C4orf50: variants seen among roughly 807,000 people sequenced by gnomAD.
The protein encoded by C4orf50 is chromosome 4 open reading frame 50, also known as uncharacterized protein C4orf50.
C4orf50 carries 80 observed loss-of-function variants against 77.2 expected under a neutral mutation model. The ratio of observed to expected loss-of-function variants is 1.04; its 90% confidence interval spans 0.87 to 1.25. The LOEUF (loss-of-function observed/expected upper bound fraction) is 1.25. Among genes scored for constraint, C4orf50 ranks in the 50% most tolerant of loss-of-function variants. The probability of loss-of-function intolerance (pLI) is 0.00; values close to 1 mark genes in which losing one functional copy is unlikely to be tolerated. For missense variants in C4orf50, 1,257 were observed against 1,152.9 expected (o/e 1.09, Z -1.31); for synonymous variants, 532 against 465.3 (o/e 1.14, Z -1.84).
intron 7 of C4orf50, among the ~76,000 whole-genome samples, chr4:5,921,683 A>G (rs1347807235): frequency 2.0e-5 from 3 of 151,900 alleles, no homozygotes. Context: ...AGGAGGGGAC[A>G]CTCGAGAGGG....
In C4orf50 at chr4:5,935,807, A is replaced by AAAAAC. The variant is rs1308157183; in HGVS notation, c.*2474+21093_*2474+21094insGTTTT. Among the ~76,000 whole-genome samples, 1,172 of 145,412 alleles carry AAAAAC rather than the reference A, an allele frequency of 8.1e-3. 47 individuals are homozygous for AAAAAC. The highest frequency in any genetic ancestry group is 0.03 in the African/African-American group (1,101 of 36,680). ...TCTAAAAAAAAAAAAAAAAAAAAAA[A>AAAAAC]AAAGCCCCAGAGGCCAACATTACAA... is the stretch of plus-strand genomic sequence containing the variant. On this transcript the variant is annotated intron_variant, in intron 7 of 7. Coordinates refer to the C4orf50 transcript ENST00000324058.
intron 7 of C4orf50, among the ~76,000 whole-genome samples, chr4:5,938,070 C>T (rs1718103869): frequency 6.6e-6 from 1 of 152,088 alleles, no homozygotes; most frequent in Non-Finnish European, 1.5e-5. Context: ...GAACAAGTTT[C>T]ATGTAATGGA....
At chr4:5,898,368 G>C (rs1001426220) in intron 7 of C4orf50, 1 of 152,222 alleles carries the variant, frequency 6.6e-6, no homozygotes, top group African/African-American at 2.4e-5. Context: ...ATTTTCAAAG[G>C]GGTGAGGGAA....
chr4:5,912,196 G>A (rs1166227758), intron 7 of C4orf50, among the ~76,000 whole-genome samples: 2 of 151,818 alleles, frequency 1.3e-5, no homozygotes, highest in African/African-American at 2.4e-5. Context: ...GGTAAGAGAC[G>A]CATGCAATTG....
chr4:5,991,469 G>A (rs79318996), intron 27 of C4orf50, among the ~76,000 whole-genome samples: 12,598 of 152,230 alleles, frequency 0.083, 687 homozygotes, highest in Non-Finnish European at 0.11. Flanking sequence ...ACAGTGCTGG[G>A]CACACAGGAG....
rs118180574 is a variant in C4orf50 at position 5,922,697 on chromosome 4, C to T, written c.*2475-24509G>A. Among the ~76,000 whole-genome samples, 699 of 152,320 alleles carry T rather than the reference C, an allele frequency of 4.6e-3. 26 individuals are homozygous for T. The highest frequency in any genetic ancestry group is 0.044 in the East Asian group (228 of 5,182). Reference sequence around the variant, plus strand: ...GTCCTCCTGTCCCCTCCAGCTCCTGCATCCATGGCAGTGCCCAGCCTGCAG... The same window carrying T: ...GTCCTCCTGTCCCCTCCAGCTCCTGTATCCATGGCAGTGCCCAGCCTGCAG... On this transcript the variant is annotated intron_variant, in intron 7 of 7. Transcript: ENST00000324058.
chr4:5,918,403 C>A (rs979334083), intron 7 of C4orf50, among the ~76,000 whole-genome samples: 1 of 152,196 alleles, frequency 6.6e-6, no homozygotes, highest in Non-Finnish European at 1.5e-5. Context: ...GAACCACATT[C>A]CTAACTGGTC....
exon 28 of C4orf50, chr4:5,989,037 A>G (rs1224538832): frequency 3.1e-5 from 47 of 1,535,914 alleles, no homozygotes; most frequent in Non-Finnish European, 3.7e-5. Context: ...TGCAGTCTTC[A>G]AGGTCAGAGA....
At chr4:5,943,216 G>A (rs911203699) in intron 7 of C4orf50, among the ~76,000 whole-genome samples, 8 of 152,186 alleles carry the variant, frequency 5.3e-5, no homozygotes, top group Admixed American at 3.9e-4. Flanking sequence ...TTAGGCACCC[G>A]CAGTAGGCTT....
chr4:6,013,799 CG>C (rs1722577145), intron 23 of C4orf50, among the ~76,000 whole-genome samples: 1 of 152,102 alleles, frequency 6.6e-6, no homozygotes, highest in Non-Finnish European at 1.5e-5. Context: ...CCTCCAGCCT[CG>C]GAGAGGGCTT....
chr4:5,994,603 C>T lies in C4orf50; in HGVS notation c.964-127G>A, dbSNP rs1340558809. 7.5e-6 allele frequency: 3 copies of T among 397,644 alleles called. No individual in the cohort carries two copies. In the South Asian group the frequency reaches 4.2e-4, roughly 56 times the overall value. 24.6% of individuals were successfully genotyped at this position (397,644 alleles called of 1,614,324 possible). On this transcript the variant is annotated intron_variant, in intron 25 of 33. Coordinates refer to ENST00000531445, the Ensembl canonical transcript of C4orf50. Reference sequence around the variant, plus strand: ...TCTTCCACAGGTGAGGAAACTGAGGCTCAGAGGGCAGAGAGCTCACAGCCT... The same window carrying T: ...TCTTCCACAGGTGAGGAAACTGAGGTTCAGAGGGCAGAGAGCTCACAGCCT...
intron 7 of C4orf50, among the ~76,000 whole-genome samples, chr4:5,928,862 A>T (rs915691953): frequency 6.6e-6 from 1 of 152,190 alleles, no homozygotes; most frequent in East Asian, 1.9e-4. Context: ...AAATAAGTCA[A>T]CCTTCCCAGT....
intron 7 of C4orf50, among the ~76,000 whole-genome samples, chr4:5,923,997 G>A (rs796450893): frequency 1.1e-4 from 17 of 152,228 alleles, no homozygotes; most frequent in South Asian, 4.2e-4. Flanking sequence ...GATGCTTCCC[G>A]CTCCTGAACA....
At chr4:5,906,494 C>A (rs1322492998) in intron 7 of C4orf50, among the ~76,000 whole-genome samples, 2 of 152,094 alleles carry the variant, frequency 1.3e-5, no homozygotes, top group African/African-American at 4.8e-5. Flanking sequence ...CCAAGAAGAG[C>A]CTTCATGGAT....
At chr4:5,978,599 T>G (rs1212433651) in intron 29 of C4orf50, among the ~76,000 whole-genome samples, 1 of 152,184 alleles carries the variant, frequency 6.6e-6, no homozygotes, top group Non-Finnish European at 1.5e-5. Flanking sequence ...CTAGCTCTTG[T>G]GTTGGTTGAA....
At chr4:5,915,898 T>C (rs894218356) in intron 7 of C4orf50, among the ~76,000 whole-genome samples, 1 of 152,218 alleles carries the variant, frequency 6.6e-6, no homozygotes, top group African/African-American at 2.4e-5. Flanking sequence ...CCTTTTAGGC[T>C]ACACTTACCT....
chr4:5,999,783 G>A (rs1403733751), intron 25 of C4orf50, among the ~76,000 whole-genome samples: 6 of 152,172 alleles, frequency 3.9e-5, no homozygotes, highest in Non-Finnish European at 7.3e-5. Flanking sequence ...CTGAGCTGAC[G>A]TGAGATCAGG....
chr4:5,995,292 G>A (rs1359607965), intron 25 of C4orf50, among the ~76,000 whole-genome samples: 1 of 152,126 alleles, frequency 6.6e-6, no homozygotes, highest in East Asian at 1.9e-4. Flanking sequence ...CAGGGGGTTT[G>A]GACCGTCCTG....
At chr4:5,986,737 C>T (rs1720885043) in intron 28 of C4orf50, among the ~76,000 whole-genome samples, 1 of 152,050 alleles carries the variant, frequency 6.6e-6, no homozygotes, top group Non-Finnish European at 1.5e-5. Context: ...TGGGGTTTCA[C>T]CATATTGGCC....
Sources: gnomAD v4.1 joint callset for allele counts (sites outside exome capture counted in the v4.1 genomes callset) on GRCh38, gnomAD v4.1.1 for gene constraint, MANE v1.5 for transcripts, NCBI Gene and HGNC (gene_info 2026-07-23, HGNC 2026-07-21) for gene names.